NR6A1: variants seen among roughly 807,000 people sequenced by gnomAD.
NR6A1 encodes retinoic acid receptor-related testis-associated receptor.
Under a neutral mutation model 59.1 loss-of-function variants are expected in NR6A1, and 7 were observed. The observed-to-expected ratio is 0.12, with a 90% CI of 0.07 to 0.22. The LOEUF (loss-of-function observed/expected upper bound fraction) is 0.22. NR6A1 is among the 10% of genes least tolerant of loss of function. The pLI is 1.00. For missense variants in NR6A1, 468 were observed against 611.6 expected (o/e 0.77, Z 2.48); for synonymous variants, 243 against 236.1 (o/e 1.03, Z -0.27).
chr9:124,670,197 T>C (rs188104523), intron 2 of NR6A1, among the ~76,000 whole-genome samples: 27 of 142,078 alleles, frequency 1.9e-4, no homozygotes, highest in Admixed American at 1.2e-3. Flanking sequence ...CCAGCCAACA[T>C]AGCAAGACCT....
At chr9:124,685,704 G>A (rs1838310602) in intron 2 of NR6A1, among the ~76,000 whole-genome samples, 1 of 152,150 alleles carries the variant, frequency 6.6e-6, no homozygotes. Context: ...CTGATAGTCT[G>A]AAAGTTACAA....
At chr9:124,731,379 A>C (rs1839880059) in intron 2 of NR6A1, among the ~76,000 whole-genome samples, 1 of 152,052 alleles carries the variant, frequency 6.6e-6, no homozygotes, top group Non-Finnish European at 1.5e-5. Flanking sequence ...CGAAAAAAAA[A>C]AAAAAAGAAA....
intron 2 of NR6A1, among the ~76,000 whole-genome samples, chr9:124,561,050 T>C (rs939987967): frequency 6.6e-6 from 1 of 152,108 alleles, no homozygotes; most frequent in African/African-American, 2.4e-5. Flanking sequence ...TCCCAGCACT[T>C]TGTAAGAGTG....
chr9:124,519,029 C>T lies in NR6A1; in HGVS notation c.*3676G>A, dbSNP rs1367962629. 6.6e-6 allele frequency: 1 copy of T among 152,122 alleles called. No homozygotes were observed. Among genetic ancestry groups the T allele is most frequent in the East Asian group, 1.9e-4 (1 of 5,188 alleles). The allele number at this position is 152,122 out of a possible 1,614,324, so 9.4% of individuals were successfully genotyped here. A position where few individuals can be genotyped will look rare whatever the true frequency, so the allele number is the denominator to read the frequency against. On this transcript the variant is annotated 3_prime_UTR_variant, in exon 10 of 10. Transcript: ENST00000487099. The stretch of plus-strand genomic sequence containing the variant: ...TGTCTGTCTCCATCAGTCCCATTCC[C>T]CCAGGAAATCAAGAACAAACAAACA...
intron 1 of NR6A1, among the ~76,000 whole-genome samples, chr9:124,761,897 T>C (rs1472632105): frequency 6.6e-6 from 1 of 152,222 alleles, no homozygotes; most frequent in Admixed American, 6.5e-5. Flanking sequence ...ACAGGTTTCA[T>C]GTAGCAGGTA....
chr9:124,543,978 C>T (rs1294246830), intron 3 of NR6A1, 121 bp from the exon 4 acceptor site: 1 of 744,428 alleles, frequency 1.3e-6, no homozygotes, highest in Admixed American at 2.3e-5. Context: ...AACATTAAAA[C>T]ACAGGTCCTT....
At chr9:124,695,836 A>C (rs1372610955) in intron 2 of NR6A1, among the ~76,000 whole-genome samples, 1 of 152,208 alleles carries the variant, frequency 6.6e-6, no homozygotes, top group Non-Finnish European at 1.5e-5. Context: ...ACGTACTTTG[A>C]AAAATGTACA....
intron 2 of NR6A1, among the ~76,000 whole-genome samples, chr9:124,577,268 C>T (rs1280516302): frequency 1.3e-5 from 2 of 152,160 alleles, no homozygotes. Flanking sequence ...AGTGTATGCA[C>T]ACTTTTTCCC....
At chr9:124,573,500 G>A (rs554481092) in intron 2 of NR6A1, among the ~76,000 whole-genome samples, 34 of 152,310 alleles carry the variant, frequency 2.2e-4, no homozygotes, top group African/African-American at 8.2e-4. Context: ...TTTCACAGAA[G>A]ACAACAACAT....
chr9:124,628,273 C>T (rs147432453), intron 2 of NR6A1, among the ~76,000 whole-genome samples: 2,710 of 152,302 alleles, frequency 0.018, 82 homozygotes, highest in African/African-American at 0.061. Context: ...GGTGATCCGC[C>T]CGCCTCGGCC....
intron 2 of NR6A1, among the ~76,000 whole-genome samples, chr9:124,716,458 G>A (rs1042248245): frequency 6.6e-6 from 1 of 152,042 alleles, no homozygotes; most frequent in African/African-American, 2.4e-5. Context: ...TTAATAAATT[G>A]GACTTCATAA....
intron 2 of NR6A1, among the ~76,000 whole-genome samples, chr9:124,650,212 T>C: frequency 6.6e-6 from 1 of 152,114 alleles, no homozygotes; most frequent in Non-Finnish European, 1.5e-5. Context: ...CATCACCAAA[T>C]GAGCGGATAA....
intron 2 of NR6A1, among the ~76,000 whole-genome samples, chr9:124,685,401 T>C (rs927014149): frequency 3.3e-5 from 5 of 152,222 alleles, no homozygotes; most frequent in African/African-American, 1.2e-4. Flanking sequence ...CACGGCTCAC[T>C]GCAGCCTTGA....
chr9:124,563,455 G>A (rs1259371038), intron 2 of NR6A1, among the ~76,000 whole-genome samples: 2 of 152,246 alleles, frequency 1.3e-5, no homozygotes, highest in Non-Finnish European at 2.9e-5. Context: ...ATAATTGTGG[G>A]TAAATAATTC....
chr9:124,615,279 G>A (rs555654479), intron 2 of NR6A1, among the ~76,000 whole-genome samples: 32 of 152,190 alleles, frequency 2.1e-4, no homozygotes, highest in Non-Finnish European at 3.7e-4. Context: ...TTCACAACTA[G>A]TCATAATGAT....
At chr9:124,585,154 T>G (rs1233249843) in intron 2 of NR6A1, among the ~76,000 whole-genome samples, 1 of 151,996 alleles carries the variant, frequency 6.6e-6, no homozygotes, top group South Asian at 2.1e-4. Flanking sequence ...TCTATGATGG[T>G]TGAGAGAGGT....
chr9:124,743,417 T>G (rs952744995), intron 1 of NR6A1, among the ~76,000 whole-genome samples: 1 of 152,250 alleles, frequency 6.6e-6, no homozygotes, highest in African/African-American at 2.4e-5. Context: ...GTCACATTTT[T>G]AAAAGTGCAA....
chr9:124,644,219 A>G (rs1466253499), intron 2 of NR6A1, among the ~76,000 whole-genome samples: 1 of 148,798 alleles, frequency 6.7e-6, no homozygotes, highest in East Asian at 2.0e-4. Context: ...CCATCCTTTC[A>G]CCAGACAACT....
intron 2 of NR6A1, among the ~76,000 whole-genome samples, chr9:124,603,348 C>A (rs1483129544): frequency 6.6e-6 from 1 of 152,006 alleles, no homozygotes; most frequent in African/African-American, 2.4e-5. Context: ...ATAGTGCATT[C>A]ATATTCTTCT....
Sources: allele counts gnomAD v4.1 joint callset (sites outside exome capture counted in the v4.1 genomes callset), GRCh38; gene constraint gnomAD v4.1.1; transcripts MANE v1.5; gene names NCBI Gene and HGNC (gene_info 2026-07-23, HGNC 2026-07-21).